Variants in GABRB1 observed in about 807,000 individuals in gnomAD.
GABRB1 encodes gamma-aminobutyric acid receptor subunit beta-1.
A neutral mutation model predicts 51.6 loss-of-function variants in GABRB1; 17 were observed. The observed-to-expected ratio is 0.33, with a 90% confidence interval of 0.23 to 0.49. GABRB1 has a LOEUF of 0.49. Among genes scored for constraint, GABRB1 ranks in the 20% least tolerant of loss-of-function variants. The pLI, the probability that GABRB1 is intolerant of heterozygous loss-of-function variation, is 0.99. For missense variants in GABRB1, 410 were observed against 600.6 expected, an observed-to-expected ratio of 0.68 and a Z score of 3.32; for synonymous variants, 247 against 218.9, an observed-to-expected ratio of 1.13 and a Z score of -1.14.
At chr4:47,257,326 T>A (rs79601169) in intron 4 of GABRB1, among the ~76,000 whole-genome samples, 10,796 of 152,226 alleles carry the variant, frequency 0.071, 512 homozygotes, top group South Asian at 0.22. Flanking sequence ...GCACTCTCCC[T>A]CATAGGCTCC....
chr4:47,412,193 C>T (rs1010338492), intron 8 of GABRB1, among the ~76,000 whole-genome samples: 2 of 152,160 alleles, frequency 1.3e-5, no homozygotes, highest in African/African-American at 4.8e-5. Context: ...TTTTAAGCTA[C>T]AGCTTCCCAA....
Position 47,326,914 on chromosome 4 carries a change from A to T in GABRB1, c.544+6705A>T, listed in dbSNP as rs115852333. 8.2e-3 allele frequency among the ~76,000 whole-genome samples: 1,248 copies of T among 152,248 alleles called. 16 individuals carry two copies. Among genetic ancestry groups the T allele is most frequent in the African/African-American group, 0.029 (1,185 of 41,540 alleles). ...TGCTTGTTGTTTCTTTCCCCCATAG[A>T]TTATAAACTTCCTGTGAGGGAAGGG... On this transcript the variant is annotated intron_variant, in intron 5 of 8. Coordinates refer to ENST00000295454, the MANE Select transcript of GABRB1 (RefSeq NM_000812.4).
chr4:47,325,461 C>T (rs953102878), intron 5 of GABRB1, among the ~76,000 whole-genome samples: 26 of 151,910 alleles, frequency 1.7e-4, no homozygotes, highest in African/African-American at 6.3e-4. Context: ...CAAAGACTTC[C>T]CACTACACTG....
chr4:47,210,051 T>A (rs1421703354), intron 4 of GABRB1, among the ~76,000 whole-genome samples: 1 of 152,136 alleles, frequency 6.6e-6, no homozygotes, highest in African/African-American at 2.4e-5. Flanking sequence ...TCACTGCTTA[T>A]TCCAGTTCCA....
chr4:47,233,200 A>G (rs1329215854), intron 4 of GABRB1, among the ~76,000 whole-genome samples: 1 of 151,972 alleles, frequency 6.6e-6, no homozygotes, highest in East Asian at 1.9e-4. Flanking sequence ...CTATGTTTTC[A>G]TAACCTTGGT....
At chr4:47,131,409 C>T (rs961337957) in intron 3 of GABRB1, among the ~76,000 whole-genome samples, 20 of 152,144 alleles carry the variant, frequency 1.3e-4, no homozygotes, top group Non-Finnish European at 2.6e-4. Context: ...CTGCCCGCCT[C>T]GGCCTCCCAA....
At chr4:47,085,140 G>C (rs752866019) in intron 3 of GABRB1, among the ~76,000 whole-genome samples, 3 of 152,168 alleles carry the variant, frequency 2.0e-5, no homozygotes, top group Non-Finnish European at 4.4e-5. Flanking sequence ...CCAAAATGAA[G>C]TTGATGGACT....
At chr4:47,057,144 T>A (rs1330923958) in intron 3 of GABRB1, among the ~76,000 whole-genome samples, 2 of 152,034 alleles carry the variant, frequency 1.3e-5, no homozygotes, top group African/African-American at 4.8e-5. Context: ...TAAGGCATGG[T>A]CTCAAATGCA....
chr4:47,238,411 T>G (rs1721404598), intron 4 of GABRB1, among the ~76,000 whole-genome samples: 2 of 152,148 alleles, frequency 1.3e-5, no homozygotes. Context: ...TAAAGCTCTT[T>G]TAAATCACTT....
At chr4:47,315,503 C>T (rs1724850673) in intron 4 of GABRB1, among the ~76,000 whole-genome samples, 1 of 151,918 alleles carries the variant, frequency 6.6e-6, no homozygotes, top group East Asian at 1.9e-4. Flanking sequence ...GCAAAATTAC[C>T]ATTTGACTCA....
At chr4:47,257,866 T>C (rs1722276570) in intron 4 of GABRB1, among the ~76,000 whole-genome samples, 1 of 151,768 alleles carries the variant, frequency 6.6e-6, no homozygotes, top group Admixed American at 6.6e-5. Flanking sequence ...TGGCAACCCT[T>C]GATTTTCTCA....
intron 3 of GABRB1, among the ~76,000 whole-genome samples, chr4:47,076,824 C>T (rs916768269): frequency 2.6e-5 from 4 of 152,238 alleles, no homozygotes; most frequent in South Asian, 2.1e-4. Flanking sequence ...GCTTCCCTTC[C>T]GAGCACACTC....
intron 5 of GABRB1, among the ~76,000 whole-genome samples, chr4:47,358,074 A>T (rs1300373821): frequency 9.2e-5 from 14 of 152,156 alleles, no homozygotes. Flanking sequence ...TAAAGTACAG[A>T]CAGGTTAAAT....
chr4:47,219,797 C>T (rs191700191), intron 4 of GABRB1, among the ~76,000 whole-genome samples: 337 of 151,998 alleles, frequency 2.2e-3, no homozygotes, highest in Non-Finnish European at 3.4e-3. Context: ...AACTCACAGA[C>T]TACGTTGTTT....
chr4:47,218,913 G>T (rs1220413871), intron 4 of GABRB1, among the ~76,000 whole-genome samples: 2 of 151,750 alleles, frequency 1.3e-5, no homozygotes, highest in African/African-American at 4.8e-5. Context: ...TAGGCAAATA[G>T]ACCCAAAATA....
chr4:47,365,825 A>G (rs1726961804), intron 5 of GABRB1, among the ~76,000 whole-genome samples: 1 of 152,112 alleles, frequency 6.6e-6, no homozygotes. Context: ...AGCACAGCTA[A>G]CCTGCTCTCT....
intron 5 of GABRB1, among the ~76,000 whole-genome samples, chr4:47,392,316 G>A (rs2110039976): frequency 6.6e-6 from 1 of 151,210 alleles, no homozygotes; most frequent in East Asian, 1.9e-4. Flanking sequence ...CCAGGAACAG[G>A]AAGCTTCTTT....
At chr4:47,008,853 C>CTTTTTTTTTTTTTTTTTTTTTTTT (rs1491180948) in intron 1 of GABRB1, among the ~76,000 whole-genome samples, 4 of 80,096 alleles carry the variant, frequency 5.0e-5, no homozygotes, top group Admixed American at 1.6e-4. Flanking sequence ...CAGATACTAC[C>CTTTTTTTTTTTTTTTTTTTTTTTT]TTTTTTTTTT....
At chr4:47,147,753 G>T (rs1263741646) in intron 3 of GABRB1, among the ~76,000 whole-genome samples, 3 of 152,020 alleles carry the variant, frequency 2.0e-5, no homozygotes, top group African/African-American at 4.8e-5. Flanking sequence ...AGGAGGAATG[G>T]GTGTTCCAGA....
Sources: gnomAD v4.1 joint callset for allele counts (sites outside exome capture counted in the v4.1 genomes callset) on GRCh38, gnomAD v4.1.1 for gene constraint, MANE v1.5 for transcripts, NCBI Gene and HGNC (gene_info 2026-07-23, HGNC 2026-07-21) for gene names.